The following RHOG variants were observed in gnomAD, a reference collection of about 807,000 sequenced individuals.
The protein encoded by RHOG is rho-related GTP-binding protein RhoG.
RHOG carries 1 observed loss-of-function variant against 12.3 expected under a neutral mutation model. The ratio of observed to expected loss-of-function variants is 0.08; its 90% CI spans 0.03 to 0.39. The LOEUF is 0.39. Ranked by LOEUF, RHOG falls within the 10% of genes least tolerant of loss-of-function variation. The pLI is 0.99. For missense variants in RHOG, 114 were observed against 266.2 expected (o/e 0.43, Z 3.98); for synonymous variants, 129 against 116.0 (o/e 1.11, Z -0.72).
At chr11:3,828,609 A>T (rs1246143981) in intron 1 of RHOG, among the ~76,000 whole-genome samples, 1 of 150,748 alleles carries the variant, frequency 6.6e-6, no homozygotes, top group Admixed American at 6.6e-5. Context: ...TGCCTCGTCC[A>T]CAAGTATTAG....
At chr11:3,834,469 C>T (rs1051519962) in intron 1 of RHOG, among the ~76,000 whole-genome samples, 1 of 152,214 alleles carries the variant, frequency 6.6e-6, no homozygotes, top group East Asian at 1.9e-4. Context: ...ATCGGACACT[C>T]CCTGCCCACC....
chr11:3,827,268 A>G lies in RHOG; in HGVS notation c.*295T>C. The stretch of plus-strand genomic sequence containing the variant: ...GTGTGGAAAGCTGGATGAACTGGTC[A>G]GTAGCGGAAAATGGGAGGGGGCACT... On this transcript the variant is annotated 3_prime_UTR_variant, in exon 2 of 2. Coordinates refer to ENST00000351018, the MANE Select transcript of RHOG (RefSeq NM_001665.4). The surrounding 1 kb of genome is among the most constrained non-coding windows in gnomAD (Gnocchi z 7.3). The G allele has an allele frequency of 2.2e-6, 1 of 450,756 alleles. No individual in the cohort carries two copies. Among genetic ancestry groups the G allele is most frequent in the South Asian group, 3.1e-5 (1 of 32,042 alleles). 27.9% of individuals were successfully genotyped at this position (450,756 alleles called of 1,614,324 possible). A position where few individuals can be genotyped will look rare whatever the true frequency, so the allele number is the denominator to read the frequency against.
intron 1 of RHOG, among the ~76,000 whole-genome samples, chr11:3,833,912 C>T (rs61606572): frequency 0.17 from 25,641 of 152,036 alleles, 3,568 homozygotes; most frequent in African/African-American, 0.39. Flanking sequence ...CTCACAGTTG[C>T]ATAAGGTTAC....
intron 1 of RHOG, among the ~76,000 whole-genome samples, chr11:3,832,997 C>T (rs1364050942): frequency 1.3e-5 from 2 of 152,052 alleles, no homozygotes; most frequent in East Asian, 1.9e-4. Context: ...TCAAGGTTAT[C>T]GTCCCTGTGA....
intron 1 of RHOG, among the ~76,000 whole-genome samples, chr11:3,831,266 G>A (rs1206711903): frequency 6.6e-6 from 1 of 152,192 alleles, no homozygotes; most frequent in Non-Finnish European, 1.5e-5. Flanking sequence ...TGTGGGGGCT[G>A]CAAAGGACCC....
Position 3,827,376 on chromosome 11 carries a change from G to C in RHOG, c.*187C>G. The C allele has an allele frequency of 1.7e-6, 1 of 600,576 alleles. No homozygotes were observed. Among genetic ancestry groups the C allele is most frequent in the Non-Finnish European group, 2.9e-6 (1 of 339,320 alleles). 37.2% of individuals were successfully genotyped at this position (600,576 alleles called of 1,614,324 possible). ...CAGTGTTCCCAAGCAGAGGGGGGCAGAGCCCAAAGCCCCTTTCTCTGCAGG... is the reference window on the plus strand; with the variant it reads ...CAGTGTTCCCAAGCAGAGGGGGGCACAGCCCAAAGCCCCTTTCTCTGCAGG... On this transcript the variant is annotated 3_prime_UTR_variant, in exon 2 of 2. Coordinates refer to ENST00000351018, the MANE Select transcript of RHOG (RefSeq NM_001665.4). This position sits in a 1 kb window ranked among gnomAD's most constrained non-coding sequence, Gnocchi z 7.3.
intron 1 of RHOG, among the ~76,000 whole-genome samples, chr11:3,837,212 C>T (rs1014079659): frequency 3.9e-5 from 6 of 152,148 alleles, no homozygotes; most frequent in African/African-American, 7.2e-5. Flanking sequence ...TAGCCCCGCC[C>T]GAGGCCTGAG....
intron 1 of RHOG, among the ~76,000 whole-genome samples, chr11:3,833,356 G>A (rs1474372219): frequency 6.6e-6 from 1 of 152,226 alleles, no homozygotes; most frequent in Non-Finnish European, 1.5e-5. Context: ...CTGGTCTCAA[G>A]TGATCCTCCT....
chr11:3,832,837 T>C (rs2090138293), intron 1 of RHOG, among the ~76,000 whole-genome samples: 1 of 151,970 alleles, frequency 6.6e-6, no homozygotes, highest in South Asian at 2.1e-4. Context: ...AAACCAGGAG[T>C]GTGACCTATC....
At chr11:3,839,477 C>G (rs552656450) in intron 1 of RHOG, among the ~76,000 whole-genome samples, 1 of 126,436 alleles carries the variant, frequency 7.9e-6, no homozygotes, top group South Asian at 2.6e-4. Flanking sequence ...CACAGACACG[C>G]GCGCGCGAAC....
intron 1 of RHOG, among the ~76,000 whole-genome samples, chr11:3,839,002 G>T (rs570044421): frequency 1.3e-5 from 2 of 152,176 alleles, no homozygotes; most frequent in African/African-American, 4.8e-5. Context: ...CAGGGCATGC[G>T]GGTACCCAGC....
intron 1 of RHOG, among the ~76,000 whole-genome samples, chr11:3,840,339 C>T (rs921272204): frequency 1.4e-4 from 22 of 152,190 alleles, no homozygotes; most frequent in Admixed American, 7.8e-4. Context: ...GCTCCCCCAC[C>T]CAACCCGGGT....
At chr11:3,839,950 G>C (rs1398887390) in intron 1 of RHOG, among the ~76,000 whole-genome samples, 1 of 152,128 alleles carries the variant, frequency 6.6e-6, no homozygotes, top group Non-Finnish European at 1.5e-5. Context: ...AGGTATGACC[G>C]TATGTTTGGA....
In RHOG at chr11:3,827,448, A is replaced by C. The variant is rs1311361702; in HGVS notation, c.*115T>G. 2.5e-6 allele frequency: 2 copies of C among 802,980 alleles called. No homozygotes were observed. Among genetic ancestry groups the C allele is most frequent in the African/African-American group, 1.7e-5 (1 of 57,898 alleles). 49.7% of individuals were successfully genotyped at this position (802,980 alleles called of 1,614,324 possible). On this transcript the variant is annotated 3_prime_UTR_variant, in exon 2 of 2. Coordinates refer to ENST00000351018, the MANE Select transcript of RHOG (RefSeq NM_001665.4). This position sits in a 1 kb window ranked among gnomAD's most constrained non-coding sequence, Gnocchi z 7.3. ...ACTCAGAGAAAAAGGCATTCAGGGAACCCCCTGGAAAGGGGTGCCAGAATT... is the reference window on the plus strand; with the variant it reads ...ACTCAGAGAAAAAGGCATTCAGGGACCCCCCTGGAAAGGGGTGCCAGAATT...
rs1380326948 is a variant in RHOG, at chr11:3,827,045, A to T, written c.*518T>A. The T allele has an allele frequency of 2.5e-5, 4 of 157,664 alleles. No individual in the cohort carries two copies. Among genetic ancestry groups the T allele is most frequent in the Non-Finnish European group, 5.6e-5 (4 of 71,322 alleles). 9.8% of individuals were successfully genotyped at this position (157,664 alleles called of 1,614,324 possible). A position where few individuals can be genotyped will look rare whatever the true frequency, so the allele number is the denominator to read the frequency against. ...AAGGTCCCCAGAAGCATGGGGGCTG[A>T]GTCAGTCAGCAAATGCGTAAGGCCT... is the stretch of plus-strand genomic sequence containing the variant. On this transcript the variant is annotated 3_prime_UTR_variant, in exon 2 of 2. Transcript: ENST00000351018. The surrounding 1 kb of genome is among the most constrained non-coding windows in gnomAD (Gnocchi z 7.3).
At chr11:3,835,826 A>T (rs1182298311) in intron 1 of RHOG, among the ~76,000 whole-genome samples, 1 of 151,870 alleles carries the variant, frequency 6.6e-6, no homozygotes, top group Non-Finnish European at 1.5e-5. Context: ...AAACACTTCC[A>T]AAGCTCTACA....
intron 1 of RHOG, among the ~76,000 whole-genome samples, chr11:3,831,257 G>A (rs908852841): frequency 1.3e-5 from 2 of 152,192 alleles, no homozygotes; most frequent in African/African-American, 4.8e-5. Context: ...CTTTCGTCAT[G>A]TGGGGGCTGC....
intron 1 of RHOG, among the ~76,000 whole-genome samples, chr11:3,838,076 C>T (rs374975146): frequency 6.6e-6 from 1 of 152,214 alleles, no homozygotes; most frequent in Admixed American, 6.5e-5. Context: ...GCTCTTGTCA[C>T]GGACCCCTAC....
In RHOG at chr11:3,828,909, T is replaced by C. The variant is rs182182421; in HGVS notation, c.-68-703A>G. Among the ~76,000 whole-genome samples, 404 of 151,040 alleles carry C rather than the reference T, an allele frequency of 2.7e-3. 2 individuals carry two copies. Among genetic ancestry groups the C allele is most frequent in the South Asian group, 0.018 (86 of 4,812 alleles). ...TGCTGGGATTACAGGCGTGAGCCACTGCGCCTGGCCAGTATTAGCTATTTT... is the reference window on the plus strand; with the variant it reads ...TGCTGGGATTACAGGCGTGAGCCACCGCGCCTGGCCAGTATTAGCTATTTT... On this transcript the variant is annotated intron_variant, in intron 1 of 1. Coordinates refer to ENST00000351018, the MANE Select transcript of RHOG (RefSeq NM_001665.4).
Sources: allele counts gnomAD v4.1 joint callset (sites outside exome capture counted in the v4.1 genomes callset), GRCh38; gene constraint gnomAD v4.1.1; non-coding constraint Gnocchi (gnomAD v3.1); transcripts MANE v1.5; gene names NCBI Gene and HGNC (gene_info 2026-07-23, HGNC 2026-07-21).